Variants in NRXN3 observed in about 807,000 individuals in gnomAD.
NRXN3 encodes the protein neurexin III.
A neutral mutation model predicts 137.6 loss-of-function variants in NRXN3; 32 were observed. The observed-to-expected ratio is 0.23, with a 90% confidence interval of 0.18 to 0.31. The LOEUF (loss-of-function observed/expected upper bound fraction) is 0.31, where lower values mean the gene tolerates loss of function less well. Ranked by LOEUF, NRXN3 falls within the 10% of genes least tolerant of loss-of-function variation. NRXN3 has a pLI of 1.00. For missense variants in NRXN3, 1,574 were observed against 2,062.5 expected, an observed-to-expected ratio of 0.76 and a Z score of 4.59; for synonymous variants, 798 against 784.5, an observed-to-expected ratio of 1.02 and a Z score of -0.29.
chr14:78,706,880 G>A (rs192779573), intron 6 of NRXN3, among the ~76,000 whole-genome samples: 9 of 152,288 alleles, frequency 5.9e-5, no homozygotes, highest in Admixed American at 2.6e-4. Context: ...TCCTGGTGAT[G>A]AGAGATGGGA....
chr14:79,280,185 G>T, intron 15 of NRXN3: 1 of 1,520,750 alleles, frequency 6.6e-7, no homozygotes, highest in Non-Finnish European at 8.8e-7. Context: ...CCCGAATTCT[G>T]GCAACTCTTC....
Position 79,564,319 on chromosome 14 carries a change from C to T in NRXN3, c.3444+96917C>T, listed in dbSNP as rs570313381. The stretch of plus-strand genomic sequence containing the variant: ...AAGTGGTTTGGGTCGCAGACACCAT[C>T]CCTCAAATAGCTGACAATGAAGGTC... On this transcript the variant is annotated intron_variant, in intron 16 of 20. Transcript: ENST00000335750. 2.0e-5 allele frequency among the ~76,000 whole-genome samples: 3 copies of T among 152,112 alleles called. No individual in the cohort carries two copies. In the East Asian group the frequency reaches 5.8e-4, roughly 30 times the overall value.
At chr14:79,307,822 C>T (rs1207047404) in intron 15 of NRXN3, among the ~76,000 whole-genome samples, 4 of 151,580 alleles carry the variant, frequency 2.6e-5, no homozygotes, top group Non-Finnish European at 5.9e-5. Flanking sequence ...TCTCTCTTTT[C>T]CCCTGGCAGT....
At chr14:79,826,019 A>T (rs1454203948) in intron 20 of NRXN3, among the ~76,000 whole-genome samples, 1 of 150,950 alleles carries the variant, frequency 6.6e-6, no homozygotes, top group Non-Finnish European at 1.5e-5. Flanking sequence ...TTGTGGGGGG[A>T]CAGTCTCACT....
chr14:78,779,462 T>C (rs1418267745), intron 8 of NRXN3, among the ~76,000 whole-genome samples: 2 of 152,166 alleles, frequency 1.3e-5, no homozygotes, highest in Admixed American at 6.5e-5. Flanking sequence ...TTTCTATTGA[T>C]TATTGAAGTG....
At chr14:78,397,918 A>G (rs2091649524) in intron 4 of NRXN3, among the ~76,000 whole-genome samples, 1 of 151,034 alleles carries the variant, frequency 6.6e-6, no homozygotes, top group Admixed American at 6.6e-5. Flanking sequence ...AGTGCTTTTA[A>G]AATGACTGTT....
intron 15 of NRXN3, among the ~76,000 whole-genome samples, chr14:79,028,321 A>C (rs929878690): frequency 6.6e-6 from 1 of 152,120 alleles, no homozygotes; most frequent in Non-Finnish European, 1.5e-5. Context: ...TTACAGCGCT[A>C]AGTGGTCTAC....
chr14:78,243,710 C>A lies in NRXN3; in HGVS notation c.617C>A (p.Pro206His), dbSNP rs568622616. The change falls in exon 2 of 21, where the codon CCC becomes CAC. Residue 206 changes from proline to histidine, a missense_variant. Pro to His is a moderately conservative substitution (Grantham distance 77, BLOSUM62 -2). Around this residue, in one of 5 missense-constraint regions of NRXN3, gnomAD observed 400 missense variants for 527.3 expected, o/e 0.76. Transcript: ENST00000335750. This position sits in a 1 kb window ranked among gnomAD's most constrained non-coding sequence, Gnocchi z 4.2. ...MDAEGPCGERPCENGGICFLL... is the reference protein window; with the variant it reads ...MDAEGPCGERHCENGGICFLL... ...GCCGAGGGACCCTGTGGTGAGCGTC[C>A]CTGTGAAAATGGTGGGATCTGCTTT... The A allele has an allele frequency of 1.3e-6, 2 of 1,598,358 alleles. No homozygotes were observed. Among genetic ancestry groups the A allele is most frequent in the Non-Finnish European group, 1.7e-6 (2 of 1,179,792 alleles).
At chr14:79,464,513 ATT>A (rs2096396219) in intron 15 of NRXN3, among the ~76,000 whole-genome samples, 3 of 152,160 alleles carry the variant, frequency 2.0e-5, no homozygotes, top group Admixed American at 1.3e-4. Flanking sequence ...AGCACTGAGA[ATT>A]ACTGGTAGGA....
At chr14:78,987,690 T>TA (rs58398809) in intron 14 of NRXN3, among the ~76,000 whole-genome samples, 1 of 152,198 alleles carries the variant, frequency 6.6e-6, no homozygotes, top group South Asian at 2.1e-4. Flanking sequence ...CATTCTACAT[T>TA]AAAAAAAGCT....
At chr14:79,132,965 C>A (rs546217519) in intron 15 of NRXN3, among the ~76,000 whole-genome samples, 4 of 152,146 alleles carry the variant, frequency 2.6e-5, no homozygotes, top group Non-Finnish European at 5.9e-5. Flanking sequence ...TCATTGAATG[C>A]GGGTCACTCT....
chr14:79,850,156 T>G (rs928385320), intron 20 of NRXN3, among the ~76,000 whole-genome samples: 3 of 152,188 alleles, frequency 2.0e-5, no homozygotes, highest in Non-Finnish European at 4.4e-5. Context: ...GTCTTCAAAA[T>G]CTTCATTAGG....
At chr14:79,332,782 C>T (rs1474747985) in intron 15 of NRXN3, among the ~76,000 whole-genome samples, 2 of 152,118 alleles carry the variant, frequency 1.3e-5, no homozygotes, top group East Asian at 3.9e-4. Context: ...ATATTCACAG[C>T]GTTCATTCTA....
Position 79,039,658 on chromosome 14 carries a change from G to A in NRXN3, c.3262+51517G>A, listed in dbSNP as rs556515155. ...CCTTCCCCAGGCCAGGATTCATGCA[G>A]TCCCTACCTGTAATGTGCTTTTTCA... On this transcript the variant is annotated intron_variant, in intron 15 of 20. Coordinates refer to ENST00000335750, the MANE Select transcript of NRXN3 (RefSeq NM_001330195.2). Among the ~76,000 whole-genome samples the A allele has an allele frequency of 2.6e-5, 4 of 152,202 alleles. No homozygotes were observed. The South Asian group carries it at 8.3e-4, about 32-fold the overall frequency.
chr14:79,795,124 A>T (rs2099157267), intron 19 of NRXN3, among the ~76,000 whole-genome samples: 1 of 152,180 alleles, frequency 6.6e-6, no homozygotes, highest in Non-Finnish European at 1.5e-5. Context: ...GTTGCTGTTT[A>T]TGAACTGGAA....
chr14:78,282,043 G>T, intron 3 of NRXN3: 1 of 437,954 alleles, frequency 2.3e-6, no homozygotes, highest in East Asian at 7.1e-5. Context: ...AGACATGGTG[G>T]AGCTTAAAGG....
chr14:79,580,987 A>C (rs1230151875), intron 16 of NRXN3, among the ~76,000 whole-genome samples: 1 of 152,110 alleles, frequency 6.6e-6, no homozygotes, highest in African/African-American at 2.4e-5. Context: ...TCTTCATCCA[A>C]CTGTAATGTG....
intron 4 of NRXN3, among the ~76,000 whole-genome samples, chr14:78,409,532 A>G (rs72681530): frequency 0.3 from 45,233 of 152,172 alleles, 8,236 homozygotes; most frequent in Non-Finnish European, 0.38. Context: ...CTCTCGTTCA[A>G]TTTAGCTATT....
At chr14:78,291,725 G>A (rs1300210076) in intron 3 of NRXN3, among the ~76,000 whole-genome samples, 1 of 152,110 alleles carries the variant, frequency 6.6e-6, no homozygotes, top group Non-Finnish European at 1.5e-5. Flanking sequence ...AAAAGTCCTT[G>A]TGGCTTCATA....
Sources: allele counts gnomAD v4.1 joint callset (sites outside exome capture counted in the v4.1 genomes callset), GRCh38; gene constraint gnomAD v4.1.1; regional missense constraint gnomAD v4.1.1; non-coding constraint Gnocchi (gnomAD v3.1); transcripts MANE v1.5; gene names NCBI Gene and HGNC (gene_info 2026-07-23, HGNC 2026-07-21).